Variants in IGSF21 observed in about 807,000 individuals in gnomAD.
IGSF21 encodes the protein immunoglobulin superfamily member 21.
A neutral mutation model predicts 46.8 loss-of-function variants in IGSF21; 28 were observed. The ratio of observed to expected loss-of-function variants is 0.60; its 90% CI spans 0.44 to 0.82. IGSF21 has a LOEUF of 0.82. Ranked by LOEUF, IGSF21 falls within the 40% of genes least tolerant of loss-of-function variation. The probability of loss-of-function intolerance (pLI) is 0.00; values close to 1 mark genes in which losing one functional copy is unlikely to be tolerated. For synonymous variants in IGSF21, 284 were observed against 273.6 expected, an observed-to-expected ratio of 1.04 and a Z score of -0.38; for missense variants, 624 against 665.5, an observed-to-expected ratio of 0.94 and a Z score of 0.69.
chr1:18,164,127 G>T (rs943669564), intron 1 of IGSF21, among the ~76,000 whole-genome samples: 18 of 152,276 alleles, frequency 1.2e-4, no homozygotes, highest in African/African-American at 3.9e-4. Flanking sequence ...ATTCTACATG[G>T]CATGTATTAT....
Position 18,292,071 on chromosome 1 carries a change from T to C in IGSF21, c.305+84T>C. On this transcript the variant is annotated intron_variant, in intron 3 of 9. Transcript: ENST00000251296. ...GGCAGAGGGCAGTTCTCCAGCCCTTTCACATCAATCCCTCGGTGCTCTTGG... is the reference window on the plus strand; with the variant it reads ...GGCAGAGGGCAGTTCTCCAGCCCTTCCACATCAATCCCTCGGTGCTCTTGG... The C allele has an allele frequency of 2.2e-6, 3 of 1,388,160 alleles. No individual in the cohort carries two copies. In the South Asian group the frequency reaches 3.8e-5, roughly 18 times the overall value. 86.0% of individuals were successfully genotyped at this position (1,388,160 alleles called of 1,614,324 possible).
At chr1:18,139,320 G>A (rs1257271878) in intron 1 of IGSF21, among the ~76,000 whole-genome samples, 3 of 151,994 alleles carry the variant, frequency 2.0e-5, no homozygotes, top group Non-Finnish European at 4.4e-5. Flanking sequence ...GGGAGCCGGG[G>A]CATCTGACTC....
intron 3 of IGSF21, among the ~76,000 whole-genome samples, chr1:18,300,833 C>T (rs923503023): frequency 2.0e-5 from 3 of 152,014 alleles, no homozygotes; most frequent in African/African-American, 7.2e-5. Flanking sequence ...GAAAGGGGGG[C>T]CCCCCTTTGT....
intron 1 of IGSF21, among the ~76,000 whole-genome samples, chr1:18,168,975 C>A (rs2086707883): frequency 6.6e-6 from 1 of 152,198 alleles, no homozygotes; most frequent in Non-Finnish European, 1.5e-5. Flanking sequence ...GCTTTGAAAT[C>A]AGGAGTAGGG....
At chr1:18,121,942 AG>A (rs1461760359) in intron 1 of IGSF21, among the ~76,000 whole-genome samples, 17 of 152,310 alleles carry the variant, frequency 1.1e-4, no homozygotes, top group Non-Finnish European at 2.1e-4. Flanking sequence ...CCTCCATCAC[AG>A]GCAGGTGCAC....
intron 3 of IGSF21, among the ~76,000 whole-genome samples, chr1:18,303,465 C>T (rs1296120976): frequency 1.3e-5 from 2 of 152,170 alleles, no homozygotes; most frequent in African/African-American, 4.8e-5. Context: ...CACCTGTTCC[C>T]ACCTCTGGGT....
chr1:18,312,509 G>A (rs769463749), intron 3 of IGSF21, among the ~76,000 whole-genome samples: 10 of 151,518 alleles, frequency 6.6e-5, no homozygotes, highest in South Asian at 2.1e-4. Context: ...AGTGTTGATC[G>A]GGCTGTGCTT....
intron 1 of IGSF21, among the ~76,000 whole-genome samples, chr1:18,129,237 C>T (rs532375777): frequency 2.6e-5 from 4 of 152,096 alleles, no homozygotes; most frequent in African/African-American, 4.8e-5. Context: ...AGAGAGTAAC[C>T]GGGGCTTGGA....
At chr1:18,346,961 G>A (rs1460412802) in intron 4 of IGSF21, among the ~76,000 whole-genome samples, 1 of 152,206 alleles carries the variant, frequency 6.6e-6, no homozygotes, top group Non-Finnish European at 1.5e-5. Flanking sequence ...CACCCATGCT[G>A]CTCGCCTGCC....
intron 2 of IGSF21, among the ~76,000 whole-genome samples, chr1:18,256,824 C>T (rs1271107097): frequency 6.6e-6 from 1 of 152,214 alleles, no homozygotes; most frequent in Non-Finnish European, 1.5e-5. Context: ...CTAGCCTAAT[C>T]CCCTCTTCCT....
chr1:18,216,433 G>C (rs1055973352), intron 1 of IGSF21, among the ~76,000 whole-genome samples: 1 of 152,130 alleles, frequency 6.6e-6, no homozygotes, highest in African/African-American at 2.4e-5. Context: ...CCAGAGAGGT[G>C]GCATCATCAT....
intron 1 of IGSF21, among the ~76,000 whole-genome samples, chr1:18,198,921 G>GC (rs1418667975): frequency 2.0e-5 from 3 of 151,878 alleles, no homozygotes; most frequent in Admixed American, 1.3e-4. Flanking sequence ...CTGCCCAGAT[G>GC]CCCCCCCAAA....
At chr1:18,206,778 G>A (rs901824461) in intron 1 of IGSF21, among the ~76,000 whole-genome samples, 2 of 152,194 alleles carry the variant, frequency 1.3e-5, no homozygotes, top group Non-Finnish European at 1.5e-5. Flanking sequence ...AGTATGATGG[G>A]AGCTACCTAA....
chr1:18,239,026 A>G (rs907907101), intron 2 of IGSF21, among the ~76,000 whole-genome samples: 3 of 152,184 alleles, frequency 2.0e-5, no homozygotes, highest in African/African-American at 7.2e-5. Context: ...GGCACCCCCC[A>G]GCTGAGGCTT....
intron 1 of IGSF21, among the ~76,000 whole-genome samples, chr1:18,121,556 G>A (rs1249577914): frequency 6.6e-6 from 1 of 152,164 alleles, no homozygotes; most frequent in Non-Finnish European, 1.5e-5. Flanking sequence ...AATACCAGTG[G>A]CAATTTCTTC....
At chr1:18,187,658 G>A (rs372259702) in intron 1 of IGSF21, among the ~76,000 whole-genome samples, 2 of 152,016 alleles carry the variant, frequency 1.3e-5, no homozygotes, top group African/African-American at 2.4e-5. Context: ...GATTTAGGTG[G>A]GGACACAGCC....
chr1:18,264,928 G>A (rs1030637291), intron 2 of IGSF21, among the ~76,000 whole-genome samples: 2 of 152,164 alleles, frequency 1.3e-5, no homozygotes, highest in Non-Finnish European at 2.9e-5. Flanking sequence ...TAGGCTCAGG[G>A]CCACCACACC....
chr1:18,362,021 C>A (rs561160663), intron 4 of IGSF21, 94 bp from the exon 5 acceptor site: 5 of 838,126 alleles, frequency 6.0e-6, no homozygotes, highest in South Asian at 5.0e-5. Context: ...ACCCCCGGCA[C>A]CCAGCATGGA....
In IGSF21 at chr1:18,358,358, A is replaced by C. The variant is rs144926537; in HGVS notation, c.425-3757A>C. Among the ~76,000 whole-genome samples the C allele has an allele frequency of 2.0e-4, 31 of 152,364 alleles. No homozygotes were observed. In the East Asian group the frequency reaches 6.0e-3, roughly 29 times the overall value. Reference sequence around the variant, plus strand: ...AATTGATTCTAGTAATATATTTATTAAACCCAATATATCCAAAATATTATC... The same window carrying C: ...AATTGATTCTAGTAATATATTTATTCAACCCAATATATCCAAAATATTATC... On this transcript the variant is annotated intron_variant, in intron 4 of 9. Transcript: ENST00000251296.
Sources: allele counts gnomAD v4.1 joint callset (sites outside exome capture counted in the v4.1 genomes callset), GRCh38; gene constraint gnomAD v4.1.1; transcripts MANE v1.5; gene names NCBI Gene and HGNC (gene_info 2026-07-23, HGNC 2026-07-21).